SLC71A2: variants seen among roughly 807,000 people sequenced by gnomAD.
SLC71A2 encodes the protein hippocampus abundant transcript-like 1.
At chr9:94,401,194 G>T in the SLC71A2 span, among the ~76,000 whole-genome samples, 2 of 151,776 alleles carry the variant, frequency 1.3e-5, no homozygotes. Flanking sequence ...TTTTTGAAAC[G>T]GAGTCTCACT....
the SLC71A2 span, among the ~76,000 whole-genome samples, chr9:94,424,468 C>T: frequency 6.6e-6 from 1 of 151,948 alleles, no homozygotes; most frequent in African/African-American, 2.4e-5. Flanking sequence ...CTCCTGACCT[C>T]AGGTTATCTG....
the SLC71A2 span, among the ~76,000 whole-genome samples, chr9:94,443,529 G>A: frequency 1.5e-5 from 2 of 136,502 alleles, no homozygotes; most frequent in Non-Finnish European, 3.2e-5. Flanking sequence ...ATGTTAATAA[G>A]TGAGTTAACA....
the SLC71A2 span, among the ~76,000 whole-genome samples, chr9:94,452,991 G>A: frequency 3.3e-5 from 5 of 151,816 alleles, no homozygotes; most frequent in East Asian, 1.9e-4. Flanking sequence ...TGAGAAGGCC[G>A]CAAAACTACT....
the SLC71A2 span, among the ~76,000 whole-genome samples, chr9:94,401,340 T>A: frequency 1.3e-5 from 2 of 151,938 alleles, no homozygotes; most frequent in African/African-American, 4.8e-5. Context: ...ACCAGCAAAT[T>A]TTTTTGTATT....
At chr9:94,406,504 G>T in the SLC71A2 span, among the ~76,000 whole-genome samples, 4 of 152,130 alleles carry the variant, frequency 2.6e-5, no homozygotes, top group Admixed American at 2.6e-4. Context: ...TTCCCAAAAT[G>T]CTGGGATTAC....
the SLC71A2 span, among the ~76,000 whole-genome samples, chr9:94,382,043 T>C: frequency 1.6e-4 from 25 of 151,902 alleles, no homozygotes; most frequent in South Asian, 8.3e-4. Context: ...TTTTTCCTCC[T>C]CCGGCAGAGT....
At chr9:94,382,191 T>A in the SLC71A2 span, among the ~76,000 whole-genome samples, 1 of 151,810 alleles carries the variant, frequency 6.6e-6, no homozygotes, top group African/African-American at 2.4e-5. Flanking sequence ...CATACCCAGC[T>A]AATTTTTTAA....
chr9:94,378,164 T>C, the SLC71A2 span, among the ~76,000 whole-genome samples: 1 of 150,484 alleles, frequency 6.6e-6, no homozygotes, highest in African/African-American at 2.4e-5. Context: ...GCTGTTTGCG[T>C]TGCTGTAAAG....
the SLC71A2 span, chr9:94,440,847 T>C: frequency 2.3e-6 from 1 of 437,436 alleles, no homozygotes; most frequent in Non-Finnish European, 4.1e-6. Flanking sequence ...AAATTTTTTT[T>C]GATATATTTA....
At chr9:94,387,659 T>G in the SLC71A2 span, among the ~76,000 whole-genome samples, 1 of 152,230 alleles carries the variant, frequency 6.6e-6, no homozygotes, top group Non-Finnish European at 1.5e-5. Context: ...TCAAATCTAA[T>G]TTTTATTTGA....
chr9:94,440,582 A>T, the SLC71A2 span, among the ~76,000 whole-genome samples: 1 of 152,052 alleles, frequency 6.6e-6, no homozygotes, highest in African/African-American at 2.4e-5. Flanking sequence ...TCTTAAGTAC[A>T]CTAATATTTT....
chr9:94,438,184 C>T, the SLC71A2 span, among the ~76,000 whole-genome samples: 4 of 152,090 alleles, frequency 2.6e-5, no homozygotes, highest in Admixed American at 1.3e-4. Flanking sequence ...GTGATCCACC[C>T]GCCTCGGCCT....
the SLC71A2 span, among the ~76,000 whole-genome samples, chr9:94,452,628 TA>T: frequency 1.0e-5 from 1 of 98,988 alleles, no homozygotes; most frequent in South Asian, 3.3e-4. Context: ...TATATATATA[TA>T]TATTTTCATA....
At chr9:94,430,466 G>T in the SLC71A2 span, among the ~76,000 whole-genome samples, 1 of 151,980 alleles carries the variant, frequency 6.6e-6, no homozygotes, top group African/African-American at 2.4e-5. Flanking sequence ...CAAGTGATCT[G>T]CCCGCCTTGG....
chr9:94,419,055 G>A, the SLC71A2 span, among the ~76,000 whole-genome samples: 1 of 151,640 alleles, frequency 6.6e-6, no homozygotes, highest in Non-Finnish European at 1.5e-5. Context: ...TTGTTTCTTT[G>A]CATATTGCAA....
At chr9:94,416,614 G>A in the SLC71A2 span, among the ~76,000 whole-genome samples, 2 of 152,130 alleles carry the variant, frequency 1.3e-5, no homozygotes, top group Non-Finnish European at 2.9e-5. Flanking sequence ...CAGCACTTTT[G>A]GAGGCCAAGG....
the SLC71A2 span, among the ~76,000 whole-genome samples, chr9:94,397,392 T>C: frequency 6.6e-6 from 1 of 151,448 alleles, no homozygotes; most frequent in African/African-American, 2.4e-5. Context: ...AGACCAGGAG[T>C]TCAAGACCAG....
chr9:94,379,836 G>A, the SLC71A2 span, among the ~76,000 whole-genome samples: 2 of 152,200 alleles, frequency 1.3e-5, no homozygotes, highest in African/African-American at 2.4e-5. Context: ...ATCCAGGAAA[G>A]TATTCAATGG....
the SLC71A2 span, among the ~76,000 whole-genome samples, chr9:94,380,225 C>T: frequency 6.6e-5 from 10 of 151,908 alleles, no homozygotes; most frequent in Admixed American, 6.6e-5. Flanking sequence ...GAGCAGAGAT[C>T]GTGCCACTGC....
Sources: gnomAD v4.1 joint callset for allele counts (sites outside exome capture counted in the v4.1 genomes callset) on GRCh38, gnomAD v4.1.1 for gene constraint, MANE v1.5 for transcripts, NCBI Gene and HGNC (gene_info 2026-07-23, HGNC 2026-07-21) for gene names.